The following NEGR1 variants were observed in gnomAD, a reference collection of about 807,000 sequenced individuals.
NEGR1 encodes neuronal growth regulator 1, also known as IgLON family member 4.
Under a neutral mutation model 40.9 loss-of-function variants are expected in NEGR1, and 10 were observed. That is an observed-to-expected ratio of 0.24 (90% CI 0.15 to 0.42). The LOEUF (loss-of-function observed/expected upper bound fraction) is 0.42, where lower values mean the gene tolerates loss of function less well. Ranked by LOEUF, NEGR1 falls within the 10% of genes least tolerant of loss-of-function variation. NEGR1 has a pLI of 1.00. For missense variants in NEGR1, 352 were observed against 438.9 expected, an observed-to-expected ratio of 0.80 and a Z score of 1.77; for synonymous variants, 185 against 166.8, an observed-to-expected ratio of 1.11 and a Z score of -0.84.
intron 6 of NEGR1, among the ~76,000 whole-genome samples, chr1:71,575,847 C>T (rs1408539791): frequency 1.3e-5 from 2 of 152,118 alleles, no homozygotes; most frequent in African/African-American, 4.8e-5. Flanking sequence ...AAAACCTTTC[C>T]CTAATGTTAT....
At chr1:71,619,527 A>G (rs1407156984) in intron 4 of NEGR1, among the ~76,000 whole-genome samples, 1 of 152,148 alleles carries the variant, frequency 6.6e-6, no homozygotes, top group Non-Finnish European at 1.5e-5. Context: ...GAGTCTCTCA[A>G]ATTCACCAGT....
intron 1 of NEGR1, among the ~76,000 whole-genome samples, chr1:72,231,885 G>T (rs919275438): frequency 2.0e-5 from 3 of 152,064 alleles, no homozygotes; most frequent in African/African-American, 7.2e-5. Context: ...GCATAAATTT[G>T]GTAAGGTCTT....
chr1:72,168,753 C>T (rs539941110), intron 1 of NEGR1, among the ~76,000 whole-genome samples: 11 of 151,946 alleles, frequency 7.2e-5, no homozygotes, highest in African/African-American at 2.4e-4. Context: ...AAAATTAATT[C>T]GCCAGGTGTG....
chr1:71,896,800 A>C (rs1005053001), intron 2 of NEGR1, among the ~76,000 whole-genome samples: 5 of 152,204 alleles, frequency 3.3e-5, no homozygotes, highest in Admixed American at 2.6e-4. Flanking sequence ...ATTTGTTGAA[A>C]AGGCTATCTT....
chr1:71,974,516 A>G (rs1022858240), intron 1 of NEGR1, among the ~76,000 whole-genome samples: 6 of 152,178 alleles, frequency 3.9e-5, no homozygotes, highest in African/African-American at 1.4e-4. Flanking sequence ...ACATAAAATT[A>G]TAATTAAACG....
intron 2 of NEGR1, among the ~76,000 whole-genome samples, chr1:71,861,995 T>A (rs1659962189): frequency 6.6e-6 from 1 of 152,150 alleles, no homozygotes; most frequent in Non-Finnish European, 1.5e-5. Context: ...AGAAATGATT[T>A]CATTATGTGT....
chr1:72,086,165 T>A (rs1184987339), intron 1 of NEGR1, among the ~76,000 whole-genome samples: 1 of 152,130 alleles, frequency 6.6e-6, no homozygotes, highest in Non-Finnish European at 1.5e-5. Flanking sequence ...TTCGATATTA[T>A]AATGAACATA....
At chr1:71,679,716 A>G (rs960236607) in intron 4 of NEGR1, among the ~76,000 whole-genome samples, 11 of 152,090 alleles carry the variant, frequency 7.2e-5, no homozygotes, top group African/African-American at 2.2e-4. Flanking sequence ...AAGAGCCTCT[A>G]TTGAAAGGTT....
At chr1:71,762,588 A>G (rs1655983632) in intron 3 of NEGR1, among the ~76,000 whole-genome samples, 1 of 152,184 alleles carries the variant, frequency 6.6e-6, no homozygotes, top group Admixed American at 6.5e-5. Context: ...TGATGCATTC[A>G]TATCATGAGA....
intron 1 of NEGR1, among the ~76,000 whole-genome samples, chr1:72,178,129 TTTTG>T (rs1345618495): frequency 1.3e-5 from 2 of 151,422 alleles, no homozygotes; most frequent in African/African-American, 2.5e-5. Context: ...TTTTTCCTTA[TTTTG>T]TTTTTGTTCT....
At chr1:71,425,638 A>C (rs1346392495) in intron 6 of NEGR1, among the ~76,000 whole-genome samples, 1 of 152,038 alleles carries the variant, frequency 6.6e-6, no homozygotes, top group Non-Finnish European at 1.5e-5. Context: ...ACCTGTGTGC[A>C]CCCCTCCACA....
intron 3 of NEGR1, among the ~76,000 whole-genome samples, chr1:71,772,439 T>C (rs542131055): frequency 3.2e-5 from 2 of 61,672 alleles, no homozygotes; most frequent in South Asian, 1.5e-3. Context: ...ATATACATTG[T>C]TGAAAAAAAA....
chr1:71,934,475 G>A (rs1645885341), intron 2 of NEGR1, among the ~76,000 whole-genome samples: 1 of 152,084 alleles, frequency 6.6e-6, no homozygotes, highest in African/African-American at 2.4e-5. Flanking sequence ...ATCCTAGAAG[G>A]CTGCTACTTT....
At chr1:71,723,458 G>A (rs767962362) in intron 3 of NEGR1, among the ~76,000 whole-genome samples, 4 of 152,014 alleles carry the variant, frequency 2.6e-5, no homozygotes, top group Non-Finnish European at 5.9e-5. Flanking sequence ...GCTAGAGAAC[G>A]AGCTAATCAT....
intron 2 of NEGR1, among the ~76,000 whole-genome samples, chr1:71,839,349 G>A (rs1412941007): frequency 6.6e-6 from 1 of 151,646 alleles, no homozygotes; most frequent in African/African-American, 2.4e-5. Context: ...GATTACAGGG[G>A]TGAGCCACCA....
At chr1:72,257,094 G>A (rs939198982) in intron 1 of NEGR1, among the ~76,000 whole-genome samples, 2 of 151,952 alleles carry the variant, frequency 1.3e-5, no homozygotes, top group African/African-American at 4.8e-5. Flanking sequence ...AGGCCGAGGC[G>A]GGCGGATCAC....
At chr1:72,154,398 C>T (rs1376191575) in intron 1 of NEGR1, among the ~76,000 whole-genome samples, 1 of 151,936 alleles carries the variant, frequency 6.6e-6, no homozygotes, top group Non-Finnish European at 1.5e-5. Context: ...CTCAGAACCT[C>T]TTCCAAAATA....
At chr1:71,780,610 C>T (rs960351758) in intron 2 of NEGR1, among the ~76,000 whole-genome samples, 1 of 152,144 alleles carries the variant, frequency 6.6e-6, no homozygotes, top group Non-Finnish European at 1.5e-5. Context: ...TATTTTAAAA[C>T]CTCCATATCC....
intron 6 of NEGR1, among the ~76,000 whole-genome samples, chr1:71,502,252 TAAGC>T (rs1163540995): frequency 8.6e-5 from 13 of 152,032 alleles, no homozygotes; most frequent in African/African-American, 2.9e-4. Flanking sequence ...AATTGAAACA[TAAGC>T]AAGAAAGGGG....
Sources: gnomAD v4.1 joint callset for allele counts (sites outside exome capture counted in the v4.1 genomes callset) on GRCh38, gnomAD v4.1.1 for gene constraint, MANE v1.5 for transcripts, NCBI Gene and HGNC (gene_info 2026-07-23, HGNC 2026-07-21) for gene names.